The following NR4A3 variants were observed in gnomAD, a reference collection of about 807,000 sequenced individuals.
NR4A3 encodes the protein chondrosarcoma, extraskeletal myxoid, fused to EWS.
NR4A3 carries 13 observed loss-of-function variants against 55.6 expected under a neutral mutation model. That is an observed-to-expected ratio of 0.23 (90% CI 0.15 to 0.37). NR4A3 has a LOEUF of 0.37. Among genes scored for constraint, NR4A3 ranks in the 10% least tolerant of loss-of-function variants. NR4A3 has a pLI of 1.00. For synonymous variants in NR4A3, 342 were observed against 357.9 expected (o/e 0.96, Z 0.50); for missense variants, 646 against 822.8 (o/e 0.79, Z 2.63).
intron 7 of NR4A3, among the ~76,000 whole-genome samples, chr9:99,860,040 A>G (rs1045089882): frequency 6.6e-6 from 1 of 152,206 alleles, no homozygotes; most frequent in African/African-American, 2.4e-5. Flanking sequence ...ACATTATTAT[A>G]CAAAGAGCAC....
intron 5 of NR4A3, 151 bp downstream of exon 5, chr9:99,833,605 C>T: frequency 6.2e-7 from 1 of 1,600,186 alleles, no homozygotes; most frequent in Admixed American, 1.7e-5. Flanking sequence ...TTTAGCAATT[C>T]AGTGCATCCA....
chr9:99,828,352 C>G lies in NR4A3; in HGVS notation c.310C>G (p.His104Asp). ...TCACCATCACCACCACCACCACCAC[C>G]ACCACCACCATCACCAGCAGCAGCA... ...YHHHHHHHHH[H>D]HHHHQQQHQQ... The change falls in exon 3 of 8, where the codon CAC becomes GAC. Residue 104 changes from histidine (H) to aspartate (D), a missense_variant. Physicochemically the swap from His to Asp is moderately conservative, Grantham distance 81. Coordinates refer to ENST00000395097, the MANE Select transcript of NR4A3 (RefSeq NM_006981.4). The surrounding 1 kb of genome is among the most constrained non-coding windows in gnomAD (Gnocchi z 7.7). The G allele has an allele frequency of 6.2e-7, 1 of 1,603,724 alleles. No individual in the cohort carries two copies. The highest frequency in any genetic ancestry group is 8.5e-7 in the Non-Finnish European group (1 of 1,175,860).
At chr9:99,824,855 G>C (rs1389633237) in intron 1 of NR4A3, among the ~76,000 whole-genome samples, 2 of 152,144 alleles carry the variant, frequency 1.3e-5, no homozygotes, top group Admixed American at 6.5e-5. Flanking sequence ...AGCTGCGCTC[G>C]GCGCCCTCAG....
At position 99,828,375 on chromosome 9, in the gene NR4A3, G is replaced by T; in HGVS notation, c.333G>T (p.Gln111His). 1 of 1,595,894 alleles carries T rather than the reference G, an allele frequency of 6.3e-7. No individual in the cohort carries two copies. Residue 111 changes from glutamine (Q) to histidine (H), a missense_variant, in exon 3 of 8, where the codon CAG becomes CAT. Coordinates refer to ENST00000395097, the MANE Select transcript of NR4A3 (RefSeq NM_006981.4). The surrounding 1 kb of genome is among the most constrained non-coding windows in gnomAD (Gnocchi z 7.7). Reference protein sequence around the residue: ...HHHHHHHHQQQHQQPSIPPAS... With the variant: ...HHHHHHHHQQHHQQPSIPPAS... ...ACCACCACCACCATCACCAGCAGCA[G>T]CATCAGCAGCCATCCATTCCTCCAG...
At chr9:99,844,507 G>C in intron 5 of NR4A3, 142 bp from the exon 6 acceptor site, 2 of 643,126 alleles carry the variant, frequency 3.1e-6, no homozygotes, top group South Asian at 3.8e-5. Context: ...ACATGAGACT[G>C]TGAATGTGAA....
chr9:99,827,306 G>A (rs1827320171), intron 2 of NR4A3, among the ~76,000 whole-genome samples: 2 of 150,886 alleles, frequency 1.3e-5, no homozygotes, highest in African/African-American at 4.9e-5. Flanking sequence ...ATATATATAT[G>A]GGTGGGTGTT....
chr9:99,849,497 T>G (rs1246346553), intron 7 of NR4A3, among the ~76,000 whole-genome samples: 1 of 152,106 alleles, frequency 6.6e-6, no homozygotes, highest in Admixed American at 6.6e-5. Flanking sequence ...ATAAACAGAT[T>G]TAAGGCACAA....
intron 4 of NR4A3, 55 bp downstream of exon 4, chr9:99,832,873 T>TG (rs1162811401): frequency 1.8e-5 from 25 of 1,385,830 alleles, no homozygotes; most frequent in Non-Finnish European, 2.3e-5. Context: ...CAGAAATCAG[T>TG]GAAAAAAAGC....
intron 3 of NR4A3, among the ~76,000 whole-genome samples, chr9:99,829,264 C>A (rs984617741): frequency 6.6e-6 from 1 of 152,208 alleles, no homozygotes; most frequent in Non-Finnish European, 1.5e-5. Context: ...GGAGAGCTTT[C>A]AGCAGAGTCT....
In NR4A3 at chr9:99,828,308, G is replaced by A; in HGVS notation, c.266G>A (p.Gly89Glu). The change falls in exon 3 of 8, where the codon GGG becomes GAG. Residue 89 changes from glycine (G) to glutamate (E), a missense_variant. Transcript: ENST00000395097. This position sits in a 1 kb window ranked among gnomAD's most constrained non-coding sequence, Gnocchi z 7.7. ...MQRPLIKVEE[G>E]RAPSYHHHHH... ...CGGCCCTTGATCAAAGTGGAGGAGGGGCGGGCGCCCAGCTACCATCACCAT... is the reference window on the plus strand; with the variant it reads ...CGGCCCTTGATCAAAGTGGAGGAGGAGCGGGCGCCCAGCTACCATCACCAT... The A allele has an allele frequency of 6.2e-7, 1 of 1,613,162 alleles. No individual in the cohort carries two copies. The highest frequency in any genetic ancestry group is 8.5e-7 in the Non-Finnish European group (1 of 1,179,802).
At chr9:99,827,274 GTGTGTGTGTGTGTGTGTA>G (rs1020119447) in intron 2 of NR4A3, among the ~76,000 whole-genome samples, 4 of 132,870 alleles carry the variant, frequency 3.0e-5, no homozygotes, top group Non-Finnish European at 6.5e-5. Context: ...GTGTGTGTGT[GTGTGTGTGTGTGTGTGTA>G]TATATATATA....
At chr9:99,824,277 T>TC (rs960108791) in intron 1 of NR4A3, among the ~76,000 whole-genome samples, 1 of 151,892 alleles carries the variant, frequency 6.6e-6, no homozygotes, top group Non-Finnish European at 1.5e-5. Context: ...GGAGAGGCGG[T>TC]CCCCGCCCAC....
intron 5 of NR4A3, among the ~76,000 whole-genome samples, chr9:99,844,328 T>C (rs541808896): frequency 6.6e-6 from 1 of 152,252 alleles, no homozygotes; most frequent in South Asian, 2.1e-4. Context: ...TGAGAATCTC[T>C]AGGCGCAGGA....
At chr9:99,826,259 G>A (rs1344660620) in intron 2 of NR4A3, among the ~76,000 whole-genome samples, 1 of 152,216 alleles carries the variant, frequency 6.6e-6, no homozygotes, top group Non-Finnish European at 1.5e-5. Flanking sequence ...AGCTCAGAGG[G>A]AAGGAGAAAA....
At chr9:99,829,082 C>G (rs1312061460) in intron 3 of NR4A3, 89 bp downstream of exon 3, 3 of 1,235,952 alleles carry the variant, frequency 2.4e-6, no homozygotes, top group Admixed American at 4.2e-5. Context: ...TTGTTCTTCC[C>G]GGTTTGAGAG....
At chr9:99,844,507 G>A in intron 5 of NR4A3, 142 bp from the exon 6 acceptor site, 2 of 643,126 alleles carry the variant, frequency 3.1e-6, no homozygotes, top group Non-Finnish European at 5.5e-6. Flanking sequence ...ACATGAGACT[G>A]TGAATGTGAA....
chr9:99,830,918 A>G (rs1827427060), intron 3 of NR4A3, among the ~76,000 whole-genome samples: 1 of 152,198 alleles, frequency 6.6e-6, no homozygotes, highest in African/African-American at 2.4e-5. Flanking sequence ...GTTCCCCAAC[A>G]GCTTCTCTTT....
chr9:99,828,305 A>C lies in NR4A3; in HGVS notation c.263A>C (p.Glu88Ala), dbSNP rs558205063. ...CAGCGGCCCTTGATCAAAGTGGAGG[A>C]GGGGCGGGCGCCCAGCTACCATCAC... ...QMQRPLIKVEEGRAPSYHHHH... is the reference protein window; with the variant it reads ...QMQRPLIKVEAGRAPSYHHHH... Residue 88 changes from glutamate to alanine, a missense_variant, in exon 3 of 8, where the codon GAG becomes GCG. Glu to Ala is a moderately radical substitution (Grantham distance 107, BLOSUM62 -1). Around this residue, in one of 5 missense-constraint regions of NR4A3, gnomAD observed 426 missense variants for 429.4 expected, o/e 0.99. Transcript: ENST00000395097. This position sits in a 1 kb window ranked among gnomAD's most constrained non-coding sequence, Gnocchi z 7.7. 25 of 1,613,402 alleles carry C rather than the reference A, an allele frequency of 1.5e-5. No homozygotes were observed. The South Asian group carries it at 2.7e-4, about 18-fold the overall frequency.
chr9:99,824,089 C>A (rs1281189848), intron 1 of NR4A3, among the ~76,000 whole-genome samples: 1 of 152,154 alleles, frequency 6.6e-6, no homozygotes, highest in Non-Finnish European at 1.5e-5. Flanking sequence ...TCTGTGCTCC[C>A]GGCCCCGGCG....
Sources: gnomAD v4.1 joint callset for allele counts (sites outside exome capture counted in the v4.1 genomes callset) on GRCh38, gnomAD v4.1.1 for gene constraint, gnomAD v4.1.1 regional missense constraint, Gnocchi (gnomAD v3.1) non-coding constraint, MANE v1.5 for transcripts, NCBI Gene and HGNC (gene_info 2026-07-23, HGNC 2026-07-21) for gene names.